Variants in OR7A5 observed in about 807,000 individuals in gnomAD.
The protein encoded by OR7A5 is olfactory receptor family 7 subfamily A member 5.
For missense variants in OR7A5, 319 were observed against 377.9 expected, an observed-to-expected ratio of 0.84 and a Z score of 1.29; for synonymous variants, 140 against 146.7, an observed-to-expected ratio of 0.95 and a Z score of 0.33.
At chr19:14,834,649 T>G (rs113298110) in intron 1 of OR7A5, among the ~76,000 whole-genome samples, 2,668 of 149,916 alleles carry the variant, frequency 0.018, 71 homozygotes, top group African/African-American at 0.063. Context: ...TGGATTTTTC[T>G]CACGGGCATA....
chr19:14,827,464 G>C lies in OR7A5; in HGVS notation c.778C>G (p.Leu260Val), dbSNP rs1428292068. The change falls in exon 2 of 2, where the codon CTT (leucine) becomes GTT (valine). Residue 260 changes from leucine (L) to valine (V), a missense_variant. Transcript: ENST00000322301. ...GAGTTGCGGGTGGCAGCAGAACTAAGGTACACCCCTAGGATTGCACCATAA... is the reference window on the plus strand; with the variant it reads ...GAGTTGCGGGTGGCAGCAGAACTAACGTACACCCCTAGGATTGCACCATAA... ...LFYGAILGVY[L>V]SSAATRNSHS... 6 of 1,614,070 alleles carry C rather than the reference G, an allele frequency of 3.7e-6. No individual in the cohort carries two copies. Among genetic ancestry groups the C allele is most frequent in the Non-Finnish European group, 4.2e-6 (5 of 1,179,992 alleles).
intron 1 of OR7A5, among the ~76,000 whole-genome samples, chr19:14,829,045 T>TTTTG (rs970435474): frequency 1.3e-5 from 2 of 152,110 alleles, no homozygotes; most frequent in Admixed American, 6.6e-5. Flanking sequence ...TTCTTTTGTT[T>TTTTG]TTTGTTTGTT....
rs1249490277 is a variant in OR7A5 at position 14,826,517 on chromosome 19, T to C, written c.*765A>G. ...TCACTCCAATAAATAAACTTATATA[T>C]GGGCACTAAGCTTCCATACTTCAAT... On this transcript the variant is annotated 3_prime_UTR_variant, in exon 2 of 2. Transcript: ENST00000322301. 6.6e-6 allele frequency: 1 copy of C among 152,142 alleles called. No homozygotes were observed. The highest frequency in any genetic ancestry group is 3.2e-3 in the Middle Eastern group (1 of 316). 9.4% of individuals were successfully genotyped at this position (152,142 alleles called of 1,614,324 possible). A position where few individuals can be genotyped will look rare whatever the true frequency, so the allele number is the denominator to read the frequency against.
At chr19:14,830,796 G>A (rs2044824193) in intron 1 of OR7A5, among the ~76,000 whole-genome samples, 1 of 152,134 alleles carries the variant, frequency 6.6e-6, no homozygotes, top group South Asian at 2.1e-4. Flanking sequence ...AGATAGATAA[G>A]CTCTAAGTCT....
chr19:14,828,818 A>G (rs2044802718), intron 1 of OR7A5, among the ~76,000 whole-genome samples: 2 of 151,442 alleles, frequency 1.3e-5, no homozygotes, highest in Non-Finnish European at 2.9e-5. Flanking sequence ...AATTTGAGGA[A>G]TATAAATTGA....
At position 14,827,878 on chromosome 19, in the gene OR7A5, G is replaced by T; in HGVS notation, c.364C>A (p.Arg122=). Reference sequence around the variant, plus strand: ...AGGGGGTGACAGATGGCCACAAACCGGTCATAGGCCATCACGGACAGGAGG... The same window carrying T: ...AGGGGGTGACAGATGGCCACAAACCTGTCATAGGCCATCACGGACAGGAGG... ...NFLLSVMAYD[R]FVAICHPLHY... Residue 122 remains arginine (R), a synonymous_variant, in exon 2 of 2, where the codon CGG becomes AGG. Transcript: ENST00000322301. 6.2e-7 allele frequency: 1 copy of T among 1,614,168 alleles called. No individual in the cohort carries two copies. The highest frequency in any genetic ancestry group is 1.3e-5 in the African/African-American group (1 of 75,042).
chr19:14,830,274 G>A (rs912992065), intron 1 of OR7A5, among the ~76,000 whole-genome samples: 4 of 152,138 alleles, frequency 2.6e-5, no homozygotes, highest in Non-Finnish European at 5.9e-5. Flanking sequence ...TTCCATTTTG[G>A]TATGACTGTT....
At chr19:14,832,737 T>G (rs2044845794) in intron 1 of OR7A5, among the ~76,000 whole-genome samples, 1 of 152,014 alleles carries the variant, frequency 6.6e-6, no homozygotes, top group Non-Finnish European at 1.5e-5. Flanking sequence ...CTTCATATTT[T>G]CATAAAAAGA....
Position 14,826,997 on chromosome 19 carries a change from C to G in OR7A5, c.*285G>C, listed in dbSNP as rs2044773989. ...TGTAGTCTATGCCACAGGAGACATA[C>G]AACTCTTCCCTGTATGAGACAAATG... On this transcript the variant is annotated 3_prime_UTR_variant, in exon 2 of 2. Transcript: ENST00000322301. The G allele has an allele frequency of 3.9e-6, 1 of 254,122 alleles. No individual in the cohort carries two copies. The highest frequency in any genetic ancestry group is 7.4e-6 in the Non-Finnish European group (1 of 134,822). The allele number at this position is 254,122 out of a possible 1,614,324, so 15.7% of individuals were successfully genotyped here.
intron 1 of OR7A5, among the ~76,000 whole-genome samples, chr19:14,830,268 A>G (rs1446929361): frequency 6.6e-6 from 1 of 152,202 alleles, no homozygotes; most frequent in African/African-American, 2.4e-5. Flanking sequence ...TTGGACTTCC[A>G]TTTTGGTATG....
intron 1 of OR7A5, among the ~76,000 whole-genome samples, chr19:14,833,878 C>T (rs2044858319): frequency 2.0e-5 from 3 of 152,294 alleles, no homozygotes; most frequent in Admixed American, 6.5e-5. Flanking sequence ...AATTTTTAAA[C>T]AGATGGCAAA....
intron 1 of OR7A5, among the ~76,000 whole-genome samples, chr19:14,833,377 G>A (rs1441758046): frequency 1.3e-5 from 2 of 152,226 alleles, no homozygotes; most frequent in African/African-American, 4.8e-5. Context: ...TACTCAGGAG[G>A]CTGAGGTGGG....
chr19:14,829,707 A>T (rs892038169), intron 1 of OR7A5, among the ~76,000 whole-genome samples: 9 of 152,238 alleles, frequency 5.9e-5, no homozygotes, highest in Non-Finnish European at 1.2e-4. Context: ...AAGGTGTCAC[A>T]TCAATTGAAA....
intron 1 of OR7A5, among the ~76,000 whole-genome samples, chr19:14,831,612 T>C (rs2044833305): frequency 6.6e-6 from 1 of 151,988 alleles, no homozygotes. Context: ...GCCCGGCTAA[T>C]TTTTGTATTT....
In OR7A5 at chr19:14,826,447, G is replaced by A. The variant is rs368136655; in HGVS notation, c.*835C>T. 7.9e-5 allele frequency: 12 copies of A among 152,258 alleles called. No individual in the cohort carries two copies. Among genetic ancestry groups the A allele is most frequent in the African/African-American group, 2.9e-4 (12 of 41,564 alleles). 9.4% of individuals were successfully genotyped at this position (152,258 alleles called of 1,614,324 possible). ...CACTAAAAATTTTGAAGCAAAAACA[G>A]AAGTATGGATGCATGAAACATTATA... On this transcript the variant is annotated 3_prime_UTR_variant, in exon 2 of 2. Transcript: ENST00000322301.
chr19:14,829,843 A>G (rs553293661), intron 1 of OR7A5, among the ~76,000 whole-genome samples: 1 of 152,320 alleles, frequency 6.6e-6, no homozygotes, highest in South Asian at 2.1e-4. Context: ...CTCCAAAGAC[A>G]TGCAGCCACA....
intron 1 of OR7A5, among the ~76,000 whole-genome samples, chr19:14,830,980 T>A (rs1265073799): frequency 6.6e-6 from 1 of 152,218 alleles, no homozygotes; most frequent in African/African-American, 2.4e-5. Context: ...ACAAGCACTA[T>A]CCTATAAAAT....
chr19:14,828,199 G>C lies in OR7A5; in HGVS notation c.43C>G (p.Leu15Val). The C allele has an allele frequency of 6.2e-7, 1 of 1,613,164 alleles. No individual in the cohort carries two copies. The highest frequency in any genetic ancestry group is 1.3e-5 in the African/African-American group (1 of 74,978). The change falls in exon 2 of 2, where the codon CTG becomes GTG. Residue 15 changes from leucine (L) to valine (V), a missense_variant. Coordinates refer to ENST00000322301, the MANE Select transcript of OR7A5 (RefSeq NM_017506.2). ...NDTQISEFLL[L>V]GFSQEPGLQP... The stretch of plus-strand genomic sequence containing the variant: ...AGTCCAGGTTCTTGTGAAAATCCCA[G>C]AAGAAGAAATTCTGAAATTTGTGTA...
intron 1 of OR7A5, among the ~76,000 whole-genome samples, chr19:14,834,090 T>A (rs10415652): frequency 0.057 from 8,238 of 145,004 alleles, 405 homozygotes; most frequent in African/African-American, 0.14. Flanking sequence ...TGAAACTCCA[T>A]CTCTACAAAA....
Sources: allele counts gnomAD v4.1 joint callset (sites outside exome capture counted in the v4.1 genomes callset), GRCh38; gene constraint gnomAD v4.1.1; transcripts MANE v1.5; gene names NCBI Gene and HGNC (gene_info 2026-07-23, HGNC 2026-07-21).